The following ROBO2 variants were observed in gnomAD, a reference collection of about 807,000 sequenced individuals.
ROBO2 encodes roundabout homolog 2.
In ROBO2, 53 loss-of-function variants were observed where a neutral mutation model predicts 160.8. The ratio of observed to expected loss-of-function variants is 0.33; its 90% CI spans 0.26 to 0.41. The LOEUF (loss-of-function observed/expected upper bound fraction) is 0.41, where lower values mean the gene tolerates loss of function less well. Among genes scored for constraint, ROBO2 ranks in the 10% least tolerant of loss-of-function variants. The pLI is 1.00. For synonymous variants in ROBO2, 664 were observed against 611.7 expected, an observed-to-expected ratio of 1.09 and a Z score of -1.26; for missense variants, 1,577 against 1,722.4, an observed-to-expected ratio of 0.92 and a Z score of 1.49.
intron 2 of ROBO2, among the ~76,000 whole-genome samples, chr3:76,541,068 G>A (rs1560117918): frequency 6.6e-6 from 1 of 152,164 alleles, no homozygotes; most frequent in Admixed American, 6.5e-5. Context: ...CCAGAATGCT[G>A]TGACTACAGG....
intron 2 of ROBO2, among the ~76,000 whole-genome samples, chr3:77,215,850 G>A (rs1390881987): frequency 6.6e-6 from 1 of 152,226 alleles, no homozygotes; most frequent in African/African-American, 2.4e-5. Context: ...GTCCACTCCA[G>A]ACCCTGTTTG....
chr3:77,037,954 G>A (rs1359322574), upstream of ROBO2, among the ~76,000 whole-genome samples: 1 of 152,168 alleles, frequency 6.6e-6, no homozygotes, highest in Non-Finnish European at 1.5e-5. Flanking sequence ...GAGATAAGCT[G>A]GTGGTGTGTA....
rs139028463 is a variant in ROBO2 at position 76,456,852 on chromosome 3, G to A, written c.109+519250G>A. On this transcript the variant is annotated intron_variant, in intron 2 of 26. Coordinates refer to the ROBO2 transcript ENST00000487694. Reference sequence around the variant, plus strand: ...AGCACTTCTTACATGGTGGCAGCAAGAGAAAATGAGAAAGAAGCAAAGGCA... The same window carrying A: ...AGCACTTCTTACATGGTGGCAGCAAAAGAAAATGAGAAAGAAGCAAAGGCA... 2.6e-5 allele frequency among the ~76,000 whole-genome samples: 4 copies of A among 152,270 alleles called. No homozygotes were observed. The East Asian group carries it at 7.7e-4, about 29-fold the overall frequency.
intron 2 of ROBO2, among the ~76,000 whole-genome samples, chr3:76,466,146 C>T (rs1339102823): frequency 1.3e-5 from 2 of 151,642 alleles, no homozygotes; most frequent in Non-Finnish European, 3.0e-5. Flanking sequence ...GATTCTGAAC[C>T]ATGAATAGCT....
intron 2 of ROBO2, among the ~76,000 whole-genome samples, chr3:76,915,688 GA>G (rs1269674598): frequency 3.0e-5 from 4 of 133,532 alleles, no homozygotes; most frequent in African/African-American, 1.1e-4. Flanking sequence ...AAAAAAAAAA[GA>G]AAAAAAAAGA....
chr3:76,797,878 G>C (rs901225944), intron 2 of ROBO2, among the ~76,000 whole-genome samples: 2 of 151,672 alleles, frequency 1.3e-5, no homozygotes, highest in African/African-American at 4.8e-5. Context: ...ATGAAGAAAT[G>C]TAAAACCAAA....
At chr3:75,988,924 T>TTATA (rs2107497855) in intron 2 of ROBO2, among the ~76,000 whole-genome samples, 1 of 150,658 alleles carries the variant, frequency 6.6e-6, no homozygotes, top group South Asian at 2.1e-4. Context: ...ATTATGAAAA[T>TTATA]TATTACTATT....
At chr3:77,079,250 A>G (rs1265953613) in intron 1 of ROBO2, among the ~76,000 whole-genome samples, 1 of 152,144 alleles carries the variant, frequency 6.6e-6, no homozygotes, top group Admixed American at 6.5e-5. Context: ...CCCAGCTGCT[A>G]TATTTAATTA....
At chr3:76,913,884 C>G (rs2076148768) in intron 2 of ROBO2, among the ~76,000 whole-genome samples, 1 of 151,840 alleles carries the variant, frequency 6.6e-6, no homozygotes, top group Non-Finnish European at 1.5e-5. Context: ...CTGAATAATA[C>G]TCCTTTAGAG....
At chr3:76,064,373 C>G (rs1257409534) in intron 2 of ROBO2, among the ~76,000 whole-genome samples, 1 of 152,124 alleles carries the variant, frequency 6.6e-6, no homozygotes, top group African/African-American at 2.4e-5. Flanking sequence ...TGGCCTCTCC[C>G]ATTATAGATG....
chr3:77,567,262 C>T (rs192806252), intron 12 of ROBO2, among the ~76,000 whole-genome samples: 77 of 151,904 alleles, frequency 5.1e-4, no homozygotes, highest in Admixed American at 9.2e-4. Flanking sequence ...AACAGGATTA[C>T]GAAAATAAAT....
At chr3:76,237,864 G>T (rs1576034551) in intron 2 of ROBO2, among the ~76,000 whole-genome samples, 1 of 152,198 alleles carries the variant, frequency 6.6e-6, no homozygotes, top group East Asian at 1.9e-4. Context: ...ATGAACTCGT[G>T]TTCTAAGACA....
At chr3:76,008,214 G>T in intron 2 of ROBO2, among the ~76,000 whole-genome samples, 1 of 122,578 alleles carries the variant, frequency 8.2e-6, no homozygotes, top group African/African-American at 3.3e-5. Context: ...CAGACTGAGT[G>T]ACAGAGCAAG....
intron 2 of ROBO2, among the ~76,000 whole-genome samples, chr3:76,666,256 G>A (rs1030009069): frequency 3.3e-5 from 5 of 151,668 alleles, no homozygotes; most frequent in Non-Finnish European, 7.4e-5. Context: ...TAACAGCTAC[G>A]ATTTTTCAGC....
intron 5 of ROBO2, among the ~76,000 whole-genome samples, chr3:77,505,995 A>C (rs2088463462): frequency 6.6e-6 from 1 of 152,124 alleles, no homozygotes; most frequent in African/African-American, 2.4e-5. Context: ...AGCAGCCTTA[A>C]AGTTTGAGTC....
At chr3:76,791,816 TCACA>T (rs140752578) in intron 2 of ROBO2, among the ~76,000 whole-genome samples, 2 of 151,132 alleles carry the variant, frequency 1.3e-5, no homozygotes, top group Admixed American at 1.3e-4. Flanking sequence ...GGTTGAATAG[TCACA>T]CACACACACA....
intron 2 of ROBO2, among the ~76,000 whole-genome samples, chr3:76,567,797 G>GTGTGTGTGTA (rs1260549103): frequency 8.3e-5 from 6 of 72,444 alleles, no homozygotes; most frequent in African/African-American, 2.6e-4. Context: ...GTGTGTGTGT[G>GTGTGTGTGTA]TATATATATA....
At chr3:77,395,217 C>T (rs1047485792) in intron 2 of ROBO2, among the ~76,000 whole-genome samples, 1 of 152,080 alleles carries the variant, frequency 6.6e-6, no homozygotes, top group Non-Finnish European at 1.5e-5. Context: ...TGTGTTCAAG[C>T]ATTCTTATTT....
At chr3:76,567,711 GTA>G (rs1195431742) in intron 2 of ROBO2, among the ~76,000 whole-genome samples, 21 of 118,904 alleles carry the variant, frequency 1.8e-4, no homozygotes, top group African/African-American at 5.3e-4. Flanking sequence ...GTGTATATGT[GTA>G]TATATATATG....
Sources: gnomAD v4.1 joint callset for allele counts (sites outside exome capture counted in the v4.1 genomes callset) on GRCh38, gnomAD v4.1.1 for gene constraint, MANE v1.5 for transcripts, NCBI Gene and HGNC (gene_info 2026-07-23, HGNC 2026-07-21) for gene names.